COX7B2: variants seen among roughly 807,000 people sequenced by gnomAD.
COX7B2 encodes the protein cytochrome c oxidase subunit 7B2, also known as cytochrome c oxidase subunit 7B2, mitochondrial.
For synonymous variants in COX7B2, 37 were observed against 32.1 expected (o/e 1.15, Z -0.51); for missense variants, 109 against 95.9 (o/e 1.14, Z -0.57).
intron 2 of COX7B2, among the ~76,000 whole-genome samples, chr4:46,759,837 TAA>T (rs1311241547): frequency 2.0e-5 from 3 of 149,824 alleles, no homozygotes; most frequent in South Asian, 2.1e-4. Flanking sequence ...ATATCTTATA[TAA>T]GTTATATAAG....
chr4:46,806,628 C>T (rs1228277379), intron 2 of COX7B2, among the ~76,000 whole-genome samples: 1 of 152,030 alleles, frequency 6.6e-6, no homozygotes, highest in Non-Finnish European at 1.5e-5. Flanking sequence ...CATTAGATAT[C>T]TACTTATTCA....
At chr4:46,818,501 G>A (rs1714012371) in intron 2 of COX7B2, among the ~76,000 whole-genome samples, 1 of 152,060 alleles carries the variant, frequency 6.6e-6, no homozygotes, top group African/African-American at 2.4e-5. Flanking sequence ...GCTGGGTGTG[G>A]TGGCGAGCGC....
intron 2 of COX7B2, among the ~76,000 whole-genome samples, chr4:46,828,191 A>T (rs533198854): frequency 3.3e-5 from 5 of 152,226 alleles, no homozygotes; most frequent in African/African-American, 1.2e-4. Flanking sequence ...TCAAAGAAAG[A>T]TTAAAGACAG....
chr4:46,756,000 C>A (rs927972921), intron 2 of COX7B2, among the ~76,000 whole-genome samples: 4 of 151,810 alleles, frequency 2.6e-5, no homozygotes, highest in African/African-American at 4.8e-5. Flanking sequence ...GCCCAAATAG[C>A]CAAAGAAATC....
chr4:46,760,127 A>G (rs931543715), intron 2 of COX7B2, among the ~76,000 whole-genome samples: 4 of 152,072 alleles, frequency 2.6e-5, no homozygotes, highest in Non-Finnish European at 5.9e-5. Context: ...GATTAGTTCA[A>G]CCATTGTGGA....
intron 2 of COX7B2, among the ~76,000 whole-genome samples, chr4:46,738,444 A>G (rs1714501718): frequency 6.6e-6 from 1 of 152,040 alleles, no homozygotes; most frequent in African/African-American, 2.4e-5. Context: ...TTGGCATTTC[A>G]TCCTATAATA....
chr4:46,806,382 T>G (rs1328880007), intron 2 of COX7B2, among the ~76,000 whole-genome samples: 1 of 152,012 alleles, frequency 6.6e-6, no homozygotes, highest in East Asian at 1.9e-4. Context: ...CATGTCTTCA[T>G]GTAATATTCA....
chr4:46,776,584 G>T (rs1717167755), intron 2 of COX7B2, among the ~76,000 whole-genome samples: 1 of 151,830 alleles, frequency 6.6e-6, no homozygotes, highest in Non-Finnish European at 1.5e-5. Context: ...AAGGGGAGAA[G>T]ATCAAAAAAT....
At chr4:46,791,126 GT>G (rs1211903704) in intron 2 of COX7B2, among the ~76,000 whole-genome samples, 3 of 151,930 alleles carry the variant, frequency 2.0e-5, no homozygotes, top group Non-Finnish European at 4.4e-5. Context: ...AGCCTCCTGA[GT>G]AGCTGGGACT....
At chr4:46,800,782 A>C (rs538135000) in intron 2 of COX7B2, among the ~76,000 whole-genome samples, 34 of 152,310 alleles carry the variant, frequency 2.2e-4, no homozygotes, top group Admixed American at 1.7e-3. Flanking sequence ...TTTGCACAGC[A>C]AAAGAAACAG....
At chr4:46,888,299 G>C (rs1434192689) in intron 1 of COX7B2, among the ~76,000 whole-genome samples, 3 of 151,938 alleles carry the variant, frequency 2.0e-5, no homozygotes, top group Non-Finnish European at 4.4e-5. Flanking sequence ...TTAAATCTTG[G>C]CCCATCCAGT....
intron 2 of COX7B2, among the ~76,000 whole-genome samples, chr4:46,836,333 TTTTTTTCTCTATTTAAAAAA>T (rs1194100312): frequency 6.6e-6 from 1 of 151,996 alleles, no homozygotes; most frequent in Non-Finnish European, 1.5e-5. Flanking sequence ...ATTCTATACG[TTTTTTTCTCTATTTAAAAAA>T]TTTTTTTTTT....
At chr4:46,757,904 A>G (rs1296734459) in intron 2 of COX7B2, among the ~76,000 whole-genome samples, 3 of 152,186 alleles carry the variant, frequency 2.0e-5, no homozygotes, top group Admixed American at 6.6e-5. Flanking sequence ...AAAAAGCCCA[A>G]TGTGACTGGG....
intron 2 of COX7B2, among the ~76,000 whole-genome samples, chr4:46,789,352 C>T (rs1418056810): frequency 6.6e-6 from 1 of 152,060 alleles, no homozygotes; most frequent in South Asian, 2.1e-4. Flanking sequence ...TTATGCTTCT[C>T]CAACTTGTTA....
chr4:46,801,153 G>A (rs1429505644), intron 2 of COX7B2, among the ~76,000 whole-genome samples: 1 of 152,114 alleles, frequency 6.6e-6, no homozygotes, highest in African/African-American at 2.4e-5. Flanking sequence ...ATGTAAATTA[G>A]TTCAGCCACT....
At chr4:46,793,863 T>C (rs1296427808) in intron 2 of COX7B2, among the ~76,000 whole-genome samples, 1 of 152,228 alleles carries the variant, frequency 6.6e-6, no homozygotes, top group Non-Finnish European at 1.5e-5. Context: ...CTGGTTACAT[T>C]GAACCCCTAA....
intron 1 of COX7B2, among the ~76,000 whole-genome samples, chr4:46,886,973 C>G (rs981551309): frequency 6.6e-6 from 1 of 152,096 alleles, no homozygotes; most frequent in Non-Finnish European, 1.5e-5. Flanking sequence ...ATTTTAAACT[C>G]GACACAGGAA....
chr4:46,782,963 A>C (rs951384461), intron 2 of COX7B2, among the ~76,000 whole-genome samples: 1 of 152,074 alleles, frequency 6.6e-6, no homozygotes, highest in African/African-American at 2.4e-5. Flanking sequence ...CAAAACCAAG[A>C]ACCCACCAAT....
chr4:46,788,952 C>T (rs147043480), intron 2 of COX7B2, among the ~76,000 whole-genome samples: 1 of 152,258 alleles, frequency 6.6e-6, no homozygotes, highest in African/African-American at 2.4e-5. Context: ...GCACCATGCT[C>T]ACTCGGCCTG....
Sources: gnomAD v4.1 joint callset for allele counts (sites outside exome capture counted in the v4.1 genomes callset) on GRCh38, gnomAD v4.1.1 for gene constraint, MANE v1.5 for transcripts, NCBI Gene and HGNC (gene_info 2026-07-23, HGNC 2026-07-21) for gene names.